Variants in CHCHD6 observed in about 807,000 individuals in gnomAD.
The protein encoded by CHCHD6 is coiled-coil-helix-coiled-coil-helix domain containing 6, also known as MICOS complex subunit MIC25.
In CHCHD6, 28 loss-of-function variants were observed where a neutral mutation model predicts 32.3. That is an observed-to-expected ratio of 0.87 (90% CI 0.64 to 1.19). The LOEUF (loss-of-function observed/expected upper bound fraction) is 1.19, where lower values mean the gene tolerates loss of function less well. Ranked by LOEUF, CHCHD6 falls within the 50% of genes most tolerant of loss-of-function variation. The pLI is 0.00. For synonymous variants in CHCHD6, 122 were observed against 117.5 expected (o/e 1.04, Z -0.25); for missense variants, 333 against 307.0 (o/e 1.08, Z -0.63).
At chr3:126,828,482 C>T (rs1030813101) in intron 4 of CHCHD6, among the ~76,000 whole-genome samples, 4 of 152,160 alleles carry the variant, frequency 2.6e-5, no homozygotes, top group South Asian at 2.1e-4. Flanking sequence ...GGGAGGCTCC[C>T]GGAACTGACG....
intron 4 of CHCHD6, among the ~76,000 whole-genome samples, chr3:126,804,563 A>G (rs1480495255): frequency 6.6e-6 from 1 of 152,360 alleles, no homozygotes; most frequent in East Asian, 1.9e-4. Flanking sequence ...AAATTGTGGC[A>G]ATAATCAATA....
At chr3:126,916,718 C>CT (rs1358738205) in intron 6 of CHCHD6, among the ~76,000 whole-genome samples, 3 of 152,210 alleles carry the variant, frequency 2.0e-5, no homozygotes, top group Non-Finnish European at 4.4e-5. Context: ...TCCTGTTCAT[C>CT]TGGGGCTGAG....
chr3:126,731,611 G>T (rs1935807049), intron 3 of CHCHD6, among the ~76,000 whole-genome samples: 1 of 152,160 alleles, frequency 6.6e-6, no homozygotes, highest in Non-Finnish European at 1.5e-5. Context: ...CATCCTTGAG[G>T]AAATTGCCCT....
At chr3:126,857,004 A>C (rs1159519314) in intron 5 of CHCHD6, among the ~76,000 whole-genome samples, 1 of 152,152 alleles carries the variant, frequency 6.6e-6, no homozygotes, top group Non-Finnish European at 1.5e-5. Flanking sequence ...AGAGTACCTG[A>C]CCTTAGTATC....
chr3:126,716,259 G>T lies in CHCHD6; in HGVS notation c.88-10819G>T, dbSNP rs114116171. Among the ~76,000 whole-genome samples the T allele has an allele frequency of 3.2e-3, 482 of 152,318 alleles. 3 individuals carry two copies. Among genetic ancestry groups the T allele is most frequent in the African/African-American group, 9.9e-3 (412 of 41,570 alleles). On this transcript the variant is annotated intron_variant, in intron 1 of 7. Transcript: ENST00000290913. ...TTTCACGTCCCTGCCAGACTGAGCC[G>T]TGGTGCTCCTTGGAGCTCCCTCCCT... is the stretch of plus-strand genomic sequence containing the variant.
intron 4 of CHCHD6, among the ~76,000 whole-genome samples, chr3:126,789,340 A>T (rs1364663566): frequency 2.0e-5 from 3 of 151,894 alleles, no homozygotes; most frequent in East Asian, 1.9e-4. Context: ...TATTAGGTCC[A>T]CTTGGTGCAG....
rs1936694423 is a variant in CHCHD6 at position 126,750,889 on chromosome 3, C to T, written c.411+17667C>T. Among the ~76,000 whole-genome samples, 3 of 152,222 alleles carry T rather than the reference C, an allele frequency of 2.0e-5. No homozygotes were observed. The South Asian group carries it at 6.2e-4, about 32-fold the overall frequency. On this transcript the variant is annotated intron_variant, in intron 4 of 7. Coordinates refer to ENST00000290913, the MANE Select transcript of CHCHD6 (RefSeq NM_032343.3). Reference sequence around the variant, plus strand: ...ATGAAATTCCTCCAGGAACTGACATCATGGCTATGGGCCCTGCCTTTGCTG... The same window carrying T: ...ATGAAATTCCTCCAGGAACTGACATTATGGCTATGGGCCCTGCCTTTGCTG...
At chr3:126,812,403 A>G (rs1939696049) in intron 4 of CHCHD6, among the ~76,000 whole-genome samples, 1 of 147,924 alleles carries the variant, frequency 6.8e-6, no homozygotes, top group African/African-American at 2.5e-5. Flanking sequence ...ATAACCCAAG[A>G]TGTTTTCTGG....
intron 4 of CHCHD6, among the ~76,000 whole-genome samples, chr3:126,835,481 C>CT (rs1162983138): frequency 6.6e-6 from 1 of 152,186 alleles, no homozygotes; most frequent in Admixed American, 6.5e-5. Flanking sequence ...CAGAGTGGGG[C>CT]TGGGAGGAGT....
chr3:126,894,459 G>T (rs1220800294), intron 5 of CHCHD6, among the ~76,000 whole-genome samples: 1 of 152,236 alleles, frequency 6.6e-6, no homozygotes, highest in Admixed American at 6.5e-5. Flanking sequence ...AGGGAATGCA[G>T]GATGCTATTG....
At chr3:126,771,898 A>G (rs1343993205) in intron 4 of CHCHD6, among the ~76,000 whole-genome samples, 1 of 152,148 alleles carries the variant, frequency 6.6e-6, no homozygotes, top group African/African-American at 2.4e-5. Context: ...TACTTACCCA[A>G]AAGTCATTCT....
intron 6 of CHCHD6, among the ~76,000 whole-genome samples, chr3:126,956,156 C>A (rs1425504314): frequency 2.0e-5 from 3 of 152,160 alleles, no homozygotes; most frequent in Non-Finnish European, 4.4e-5. Flanking sequence ...TCTCTCTCCA[C>A]GTACCTGGAG....
At chr3:126,786,883 A>T (rs1013702038) in intron 4 of CHCHD6, among the ~76,000 whole-genome samples, 3 of 152,048 alleles carry the variant, frequency 2.0e-5, no homozygotes, top group African/African-American at 4.8e-5. Context: ...GGTGTTTTAG[A>T]CATGAAGTCC....
intron 6 of CHCHD6, among the ~76,000 whole-genome samples, chr3:126,920,280 A>G (rs2078228789): frequency 6.7e-6 from 1 of 148,400 alleles, no homozygotes; most frequent in Admixed American, 6.7e-5. Context: ...TTTCTTGAAC[A>G]TATTAGTTAC....
intron 4 of CHCHD6, among the ~76,000 whole-genome samples, chr3:126,742,667 C>T (rs1338898729): frequency 6.6e-6 from 1 of 152,108 alleles, no homozygotes; most frequent in Non-Finnish European, 1.5e-5. Flanking sequence ...GGAAGGGAAA[C>T]CTGAGAGAGC....
chr3:126,865,178 C>G (rs1942243745), intron 5 of CHCHD6, among the ~76,000 whole-genome samples: 1 of 139,372 alleles, frequency 7.2e-6, no homozygotes, highest in Non-Finnish European at 1.6e-5. Flanking sequence ...CTTCCTCCTC[C>G]TCCTCCACTA....
At chr3:126,791,799 CAG>C (rs1414957600) in intron 4 of CHCHD6, among the ~76,000 whole-genome samples, 1 of 152,156 alleles carries the variant, frequency 6.6e-6, no homozygotes, top group Non-Finnish European at 1.5e-5. Context: ...TTAGTAGAGA[CAG>C]GGTTTCACCA....
At chr3:126,751,806 G>C (rs959589201) in intron 4 of CHCHD6, among the ~76,000 whole-genome samples, 2 of 152,124 alleles carry the variant, frequency 1.3e-5, no homozygotes, top group African/African-American at 4.8e-5. Context: ...TGGTGATCCT[G>C]CCTCCTCCCT....
intron 4 of CHCHD6, among the ~76,000 whole-genome samples, chr3:126,743,492 G>A (rs1387350018): frequency 6.6e-6 from 1 of 152,180 alleles, no homozygotes; most frequent in South Asian, 2.1e-4. Flanking sequence ...TCCATTCCTG[G>A]TGTCACTGCT....
Sources: gnomAD v4.1 joint callset for allele counts (sites outside exome capture counted in the v4.1 genomes callset) on GRCh38, gnomAD v4.1.1 for gene constraint, MANE v1.5 for transcripts, NCBI Gene and HGNC (gene_info 2026-07-23, HGNC 2026-07-21) for gene names.